EFR3B: variants seen among roughly 807,000 people sequenced by gnomAD.
EFR3B encodes the protein protein EFR3 homolog B.
Under a neutral mutation model 104.7 loss-of-function variants are expected in EFR3B, and 64 were observed. The ratio of observed to expected loss-of-function variants is 0.61; its 90% CI spans 0.50 to 0.75. EFR3B has a LOEUF of 0.75. Among genes scored for constraint, EFR3B ranks in the 30% least tolerant of loss-of-function variants. EFR3B has a pLI of 0.00. For synonymous variants in EFR3B, 385 were observed against 417.9 expected (o/e 0.92, Z 0.96); for missense variants, 750 against 1,078.5 (o/e 0.70, Z 4.27).
intron 13 of EFR3B, 40 bp downstream of exon 13, chr2:25,135,679 G>A (rs557613349): frequency 2.6e-6 from 4 of 1,549,880 alleles, no homozygotes; most frequent in African/African-American, 2.7e-5. Context: ...GCAAGATGGG[G>A]AGAGGACTCT....
intron 4 of EFR3B, among the ~76,000 whole-genome samples, chr2:25,113,667 CA>C (rs199750318): frequency 8.2e-4 from 82 of 100,450 alleles, no homozygotes; most frequent in Non-Finnish European, 1.0e-3. Flanking sequence ...GACTCTGTCT[CA>C]AAAAAAAAAA....
chr2:25,125,758 C>T lies in EFR3B; in HGVS notation c.486-2425C>T, dbSNP rs547407846. Among the ~76,000 whole-genome samples the T allele has an allele frequency of 6.6e-5, 10 of 152,278 alleles. 1 individual carries two copies. The South Asian group carries it at 1.0e-3, about 16-fold the overall frequency. ...GGTCAGCAGATCGAGACCATCCTGG[C>T]TAACACGGTGAAACCCTGTCTCTAC... On this transcript the variant is annotated intron_variant, in intron 5 of 22. Coordinates refer to ENST00000403714, the MANE Select transcript of EFR3B (RefSeq NM_014971.2).
At chr2:25,069,858 G>A (rs1573178806) in intron 1 of EFR3B, among the ~76,000 whole-genome samples, 1 of 152,098 alleles carries the variant, frequency 6.6e-6, no homozygotes, top group African/African-American at 2.4e-5. Context: ...CACCACGCCT[G>A]GCTAATTTTT....
chr2:25,117,002 G>A (rs747590944), intron 4 of EFR3B, among the ~76,000 whole-genome samples: 3 of 152,316 alleles, frequency 2.0e-5, no homozygotes, highest in Non-Finnish European at 2.9e-5. Context: ...GACGCTGGCC[G>A]TGAGCAGCTG....
chr2:25,154,881 T>G lies in EFR3B; in HGVS notation c.*541T>G, dbSNP rs941487559. 6.5e-6 allele frequency: 1 copy of G among 153,640 alleles called. No individual in the cohort carries two copies. The highest frequency in any genetic ancestry group is 2.4e-5 in the African/African-American group (1 of 41,580). 9.5% of individuals were successfully genotyped at this position (153,640 alleles called of 1,614,324 possible). ...GTCTGTTCATGTTTCTTTCTACTAT[T>G]AATGAATGCTGAGCCCTTATAACAG... On this transcript the variant is annotated 3_prime_UTR_variant, in exon 23 of 23. Coordinates refer to ENST00000403714, the MANE Select transcript of EFR3B (RefSeq NM_014971.2). This position sits in a 1 kb window ranked among gnomAD's most constrained non-coding sequence, Gnocchi z 4.1.
In EFR3B at chr2:25,079,908, G is replaced by C; in HGVS notation, c.8-11417G>C. 2.2e-6 allele frequency: 3 copies of C among 1,374,264 alleles called. No individual in the cohort carries two copies. The Admixed American group carries it at 5.1e-5, about 23-fold the overall frequency. The allele number at this position is 1,374,264 out of a possible 1,614,324, so 85.1% of individuals were successfully genotyped here. A position where few individuals can be genotyped will look rare whatever the true frequency, so the allele number is the denominator to read the frequency against. ...ATCCTCTGGGTTTTCAGATCATATT[G>C]GCAACTGAAATTTCACATCCACATG... On this transcript the variant is annotated intron_variant, in intron 1 of 22. Transcript: ENST00000403714.
At chr2:25,098,667 T>C (rs1669348453) in intron 3 of EFR3B, among the ~76,000 whole-genome samples, 1 of 152,174 alleles carries the variant, frequency 6.6e-6, no homozygotes, top group African/African-American at 2.4e-5. Context: ...TTCATAATTA[T>C]AAACATTCCA....
intron 1 of EFR3B, among the ~76,000 whole-genome samples, chr2:25,046,537 C>T (rs1035508393): frequency 2.4e-5 from 3 of 123,362 alleles, no homozygotes; most frequent in East Asian, 3.4e-4. Flanking sequence ...CGGAGTCTCG[C>T]TGTCGCCCAG....
At chr2:25,050,322 AG>A (rs1667831209) in intron 1 of EFR3B, among the ~76,000 whole-genome samples, 1 of 152,080 alleles carries the variant, frequency 6.6e-6, no homozygotes, top group Non-Finnish European at 1.5e-5. Flanking sequence ...GAAGCAGAGG[AG>A]GAGACAGTTG....
rs11416666 is a variant in EFR3B, at chr2:25,098,831, AT to A, written c.213-4780del. On this transcript the variant is annotated intron_variant, in intron 3 of 22. Transcript: ENST00000403714. ...ACTTTCCACTCCTGGTAAGTAGCCAATTTTTTTTTTTTTTTTTTTTTTTTTT... is the reference window on the plus strand; with the variant it reads ...ACTTTCCACTCCTGGTAAGTAGCCAATTTTTTTTTTTTTTTTTTTTTTTTT... Among the ~76,000 whole-genome samples, 773 of 83,776 alleles carry A rather than the reference AT, an allele frequency of 9.2e-3. 3 individuals are homozygous for A. The highest frequency in any genetic ancestry group is 0.03 in the African/African-American group (587 of 19,274). The allele number at this position is 83,776 out of a possible 152,430, so 55.0% of individuals were successfully genotyped here.
chr2:25,127,752 G>C (rs1274694091), intron 5 of EFR3B, among the ~76,000 whole-genome samples: 1 of 152,148 alleles, frequency 6.6e-6, no homozygotes, highest in Non-Finnish European at 1.5e-5. Flanking sequence ...TGCCCAGAGA[G>C]CCTGCAGCTC....
intron 5 of EFR3B, 77 bp downstream of exon 5, chr2:25,121,871 C>T (rs2149200667): frequency 6.5e-7 from 1 of 1,534,940 alleles, no homozygotes. Context: ...AACTTCCAAC[C>T]TGCCATTGCG....
At chr2:25,133,534 T>C in intron 12 of EFR3B, 100 bp downstream of exon 12, 1 of 1,226,768 alleles carries the variant, frequency 8.2e-7, no homozygotes, top group Non-Finnish European at 1.2e-6. Context: ...GCATGTGGCA[T>C]ACTGCACAAA....
At position 25,042,493 on chromosome 2, in the gene EFR3B, G is replaced by T; in HGVS notation, c.7+174G>T. On this transcript the variant is annotated intron_variant, in intron 1 of 22. Coordinates refer to ENST00000403714, the MANE Select transcript of EFR3B (RefSeq NM_014971.2). The surrounding 1 kb of genome is among the most constrained non-coding windows in gnomAD (Gnocchi z 5.4). ...CGCGCGTCTGCGCTGCGAGGACAAA[G>T]ATGCCTCGGGCCGGGGACCCTGGGG... 8.3e-7 allele frequency: 1 copy of T among 1,207,214 alleles called. No homozygotes were observed. The highest frequency in any genetic ancestry group is 1.0e-6 in the Non-Finnish European group (1 of 972,376). 74.8% of individuals were successfully genotyped at this position (1,207,214 alleles called of 1,614,324 possible).
rs150169768 is a variant in EFR3B at position 25,078,809 on chromosome 2, A to T, written c.8-12516A>T. 2.3e-3 allele frequency among the ~76,000 whole-genome samples: 352 copies of T among 152,312 alleles called. 2 individuals are homozygous for T. The highest frequency in any genetic ancestry group is 6.8e-3 in the Middle Eastern group (2 of 294). ...TGTGGTCGGAGAGTGTTGTTCATGG[A>T]AGGCTTCCAGGGAGCTCAGCAGGTG... is the stretch of plus-strand genomic sequence containing the variant. On this transcript the variant is annotated intron_variant, in intron 1 of 22. Transcript: ENST00000403714.
At chr2:25,123,796 G>A (rs758891659) in intron 5 of EFR3B, among the ~76,000 whole-genome samples, 3 of 152,240 alleles carry the variant, frequency 2.0e-5, no homozygotes, top group South Asian at 2.1e-4. Flanking sequence ...CTGCACACAC[G>A]TGCACACACG....
intron 1 of EFR3B, among the ~76,000 whole-genome samples, chr2:25,086,576 A>G (rs1287888699): frequency 1.3e-5 from 2 of 152,122 alleles, no homozygotes; most frequent in Non-Finnish European, 2.9e-5. Context: ...TGCGATGTCT[A>G]TTAAGGTTTC....
At chr2:25,082,544 C>T (rs1189562474) in intron 1 of EFR3B, among the ~76,000 whole-genome samples, 1 of 152,208 alleles carries the variant, frequency 6.6e-6, no homozygotes, top group Non-Finnish European at 1.5e-5. Context: ...GTCTTGCAAA[C>T]ACCCAGAGAT....
intron 3 of EFR3B, among the ~76,000 whole-genome samples, chr2:25,097,134 C>T (rs532299531): frequency 6.6e-5 from 10 of 152,148 alleles, no homozygotes; most frequent in Admixed American, 1.3e-4. Flanking sequence ...AAAAAAATGT[C>T]CTAGAGTCAG....
Sources: allele counts gnomAD v4.1 joint callset (sites outside exome capture counted in the v4.1 genomes callset), GRCh38; gene constraint gnomAD v4.1.1; non-coding constraint Gnocchi (gnomAD v3.1); transcripts MANE v1.5; gene names NCBI Gene and HGNC (gene_info 2026-07-23, HGNC 2026-07-21).